The following UQCRC1 variants were observed in gnomAD, a reference collection of about 807,000 sequenced individuals.
The protein encoded by UQCRC1 is ubiquinol-cytochrome c reductase core protein 1.
UQCRC1 carries 34 observed loss-of-function variants against 58.0 expected under a neutral mutation model. The ratio of observed to expected loss-of-function variants is 0.59; its 90% confidence interval spans 0.45 to 0.78. The LOEUF is 0.78. Among genes scored for constraint, UQCRC1 ranks in the 30% least tolerant of loss-of-function variants. The probability of loss-of-function intolerance (pLI) is 0.00; values close to 1 mark genes in which losing one functional copy is unlikely to be tolerated. For missense variants in UQCRC1, 610 were observed against 646.0 expected (o/e 0.94, Z 0.60); for synonymous variants, 276 against 248.8 (o/e 1.11, Z -1.03).
intron 10 of UQCRC1, 135 bp from the exon 11 acceptor site, chr3:48,600,286 A>G: frequency 9.1e-7 from 1 of 1,104,902 alleles, no homozygotes. Context: ...CCTCTCTTCT[A>G]TGGTCACCTA....
chr3:48,600,192 A>T lies in UQCRC1; in HGVS notation c.1214-41T>A, dbSNP rs1488041603. 1.9e-6 allele frequency: 3 copies of T among 1,603,206 alleles called. No individual in the cohort carries two copies. The African/African-American group carries it at 4.0e-5, about 21-fold the overall frequency. ...AAGGCTCAGAGGTCCACCCAGCCCA[A>T]TCCTGGACCCACAGGTACACAAACA... On this transcript the variant is annotated intron_variant, in intron 10 of 12. Transcript: ENST00000203407.
intron 3 of UQCRC1, 140 bp downstream of exon 3, chr3:48,605,630 T>C (rs1327483557): frequency 3.7e-6 from 3 of 812,468 alleles, no homozygotes; most frequent in African/African-American, 1.7e-5. Flanking sequence ...GTTAAGCTCA[T>C]GTGGCTCCTT....
In UQCRC1 at chr3:48,599,127, C is replaced by G; in HGVS notation, c.*1G>C. ...CCCTCTTGCTTACATAGGCTTCCCG[C>G]CTAGAAGCGCAGCCAGAACATGCCG... On this transcript the variant is annotated 3_prime_UTR_variant, in exon 13 of 13. Coordinates refer to ENST00000203407, the MANE Select transcript of UQCRC1 (RefSeq NM_003365.3). The G allele has an allele frequency of 6.2e-7, 1 of 1,612,052 alleles. No individual in the cohort carries two copies. Among genetic ancestry groups the G allele is most frequent in the South Asian group, 1.1e-5 (1 of 90,880 alleles).
chr3:48,600,778 G>A lies in UQCRC1; in HGVS notation c.1029C>T (p.Thr343=). The A allele has an allele frequency of 1.2e-6, 2 of 1,614,138 alleles. No individual in the cohort carries two copies. The highest frequency in any genetic ancestry group is 1.3e-5 in the African/African-American group (1 of 75,060). Residue 343 remains threonine (T), a synonymous_variant, in exon 9 of 13, where the codon ACC becomes ACT. Coordinates refer to ENST00000203407, the MANE Select transcript of UQCRC1 (RefSeq NM_003365.3). ...VANKLCQSFQ[T]FSICYAETGL... is the part of the protein sequence containing the mutation. ...CCGTCTCTGCATAGCAGATGCTGAA[G>A]GTCTGGAAACTCTGGCATAGCTTGT...
At position 48,609,635 on chromosome 3, in the gene UQCRC1, C is replaced by T; in HGVS notation, c.-15G>A. The T allele has an allele frequency of 6.4e-7, 1 of 1,553,924 alleles. No individual in the cohort carries two copies. Among genetic ancestry groups the T allele is most frequent in the Non-Finnish European group, 8.7e-7 (1 of 1,153,744 alleles). On this transcript the variant is annotated 5_prime_UTR_variant, in exon 1 of 13. Transcript: ENST00000203407. ...GACGCCGCCATCTTCCAGCTGCAGTCGGCCCTGTTGCGCCGCGCAAGCGTA... is the reference window on the plus strand; with the variant it reads ...GACGCCGCCATCTTCCAGCTGCAGTTGGCCCTGTTGCGCCGCGCAAGCGTA...
chr3:48,599,970 G>A (rs1386030403), intron 11 of UQCRC1, 93 bp downstream of exon 11: 19 of 1,490,964 alleles, frequency 1.3e-5, no homozygotes, highest in Non-Finnish European at 1.8e-5. Context: ...GATGCCTATA[G>A]GAGCAGGCTG....
Position 48,604,275 on chromosome 3 carries a change from G to T in UQCRC1, c.584C>A (p.Thr195Lys), listed in dbSNP as rs1312388796. The part of the protein sequence containing the change: ...NYLHATAFQG[T>K]PLAQAVEGPS... ...CCCCTCCACAGCCTGGGCTAGAGGT[G>T]TGCCCTGGAATGCTGTGGCATGCAG... Residue 195 changes from threonine (T) to lysine (K), a missense_variant, in exon 5 of 13, where the codon ACA becomes AAA. Transcript: ENST00000203407. The T allele has an allele frequency of 6.2e-7, 1 of 1,613,378 alleles. No individual in the cohort carries two copies. Among genetic ancestry groups the T allele is most frequent in the Non-Finnish European group, 8.5e-7 (1 of 1,180,056 alleles).
At chr3:48,600,258 G>A in intron 10 of UQCRC1, 107 bp from the exon 11 acceptor site, 2 of 1,288,268 alleles carry the variant, frequency 1.6e-6, no homozygotes, top group Admixed American at 1.9e-5. Context: ...CTGACCTCAT[G>A]CTGACTCAGA....
At chr3:48,599,451 G>A in intron 12 of UQCRC1, 184 bp downstream of exon 12, 2 of 717,558 alleles carry the variant, frequency 2.8e-6, no homozygotes, top group South Asian at 1.8e-5. Flanking sequence ...AGGCAGTCAA[G>A]GAACTGCTGG....
intron 6 of UQCRC1, 65 bp from the exon 7 acceptor site, chr3:48,601,532 C>T: frequency 6.8e-7 from 1 of 1,469,720 alleles, no homozygotes; most frequent in Non-Finnish European, 9.4e-7. Flanking sequence ...GGGCGATTCA[C>T]AGACAGGCAG....
At position 48,609,535 on chromosome 3, in the gene UQCRC1, T is replaced by C. The variant is rs146649569; in HGVS notation, c.69+17A>G. On this transcript the variant is annotated intron_variant, in intron 1 of 12. Transcript: ENST00000203407. ...GAAGCCCTGTCCCGAAGCCCCGCGC[T>C]CTCGCCACCACCTCACCGAGCGGCG... The C allele has an allele frequency of 7.4e-5, 116 of 1,560,892 alleles. No homozygotes were observed. The East Asian group carries it at 2.3e-3, about 30-fold the overall frequency.
chr3:48,609,266 C>A lies in UQCRC1; in HGVS notation c.106G>T (p.Ala36Ser), dbSNP rs775923134. Residue 36 changes from alanine (A) to serine (S), a missense_variant, in exon 2 of 13, where the codon GCA becomes TCA. By Grantham distance (99) the Ala-to-Ser change is moderately conservative (BLOSUM62 1). Coordinates refer to ENST00000203407, the MANE Select transcript of UQCRC1 (RefSeq NM_003365.3). ...LLRTPALRST[A>S]TFAQALQFVP... Reference sequence around the variant, plus strand: ...AACTGGAGCGCCTGAGCGAAGGTTGCCGTACTCCGCAAGGCTGGCGTCCGC... The same window carrying A: ...AACTGGAGCGCCTGAGCGAAGGTTGACGTACTCCGCAAGGCTGGCGTCCGC... The A allele has an allele frequency of 6.2e-7, 1 of 1,610,932 alleles. No homozygotes were observed. The highest frequency in any genetic ancestry group is 8.5e-7 in the Non-Finnish European group (1 of 1,178,172).
In UQCRC1 at chr3:48,609,634, T is replaced by TGTACTTTTAAAGG; in HGVS notation, c.-15_-14insCCTTTAAAAGTAC. 6.4e-7 allele frequency: 1 copy of TGTACTTTTAAAGG among 1,553,898 alleles called. No homozygotes were observed. Among genetic ancestry groups the TGTACTTTTAAAGG allele is most frequent in the African/African-American group, 1.4e-5 (1 of 72,290 alleles). ...GGACGCCGCCATCTTCCAGCTGCAG[T>TGTACTTTTAAAGG]CGGCCCTGTTGCGCCGCGCAAGCGT... On this transcript the variant is annotated 5_prime_UTR_variant, in exon 1 of 13. Transcript: ENST00000203407.
chr3:48,602,830 G>A (rs1206240572), intron 6 of UQCRC1, among the ~76,000 whole-genome samples: 1 of 152,034 alleles, frequency 6.6e-6, no homozygotes, highest in Non-Finnish European at 1.5e-5. Flanking sequence ...GCCAAGATGG[G>A]AAGCACCTTG....
At chr3:48,603,499 A>G in intron 6 of UQCRC1, 65 bp downstream of exon 6, 2 of 1,546,042 alleles carry the variant, frequency 1.3e-6, no homozygotes, top group Non-Finnish European at 1.8e-6. Flanking sequence ...GGGAACCAGG[A>G]CCTCGGCTTT....
At chr3:48,601,495 A>C (rs772097617) in intron 6 of UQCRC1, 28 bp from the exon 7 acceptor site, 1 of 1,607,928 alleles carries the variant, frequency 6.2e-7, no homozygotes. Context: ...GGCATTACTG[A>C]CCAGCCAGGG....
intron 6 of UQCRC1, among the ~76,000 whole-genome samples, chr3:48,601,870 C>A (rs1450095528): frequency 6.6e-6 from 1 of 152,140 alleles, no homozygotes; most frequent in Non-Finnish European, 1.5e-5. Flanking sequence ...GCTGGCCCTG[C>A]AGGGGGTGGC....
rs538468991 is a variant in UQCRC1, at chr3:48,602,423, T to C, written c.707-956A>G. 1.1e-4 allele frequency among the ~76,000 whole-genome samples: 17 copies of C among 152,184 alleles called. No individual in the cohort carries two copies. In the South Asian group the frequency reaches 3.3e-3, roughly 30 times the overall value. On this transcript the variant is annotated intron_variant, in intron 6 of 12. Transcript: ENST00000203407. ...TCTGACACACACGTCAGATTGCTCT[T>C]GCCCCCAGGTTCCCCAGCTCCAAAG...
Position 48,601,547 on chromosome 3 carries a change from C to A in UQCRC1, c.707-80G>T, listed in dbSNP as rs2046366662. Reference sequence around the variant, plus strand: ...GGGCGATTCACAGACAGGCAGAGGACCCCCATGTCCTGTCTTAGTGGGAGA... The same window carrying A: ...GGGCGATTCACAGACAGGCAGAGGAACCCCATGTCCTGTCTTAGTGGGAGA... On this transcript the variant is annotated intron_variant, in intron 6 of 12. Transcript: ENST00000203407. The A allele has an allele frequency of 3.9e-6, 5 of 1,296,576 alleles. No homozygotes were observed. The South Asian group carries it at 6.3e-5, about 16-fold the overall frequency. 80.3% of individuals were successfully genotyped at this position (1,296,576 alleles called of 1,614,324 possible).
Sources: allele counts gnomAD v4.1 joint callset (sites outside exome capture counted in the v4.1 genomes callset), GRCh38; gene constraint gnomAD v4.1.1; transcripts MANE v1.5; gene names NCBI Gene and HGNC (gene_info 2026-07-23, HGNC 2026-07-21).